The following DSCAM variants were observed in gnomAD, a reference collection of about 807,000 sequenced individuals.
DSCAM encodes the protein DS cell adhesion molecule.
Under a neutral mutation model 217.7 loss-of-function variants are expected in DSCAM, and 47 were observed. That is an observed-to-expected ratio of 0.22 (90% CI 0.17 to 0.28). The LOEUF (loss-of-function observed/expected upper bound fraction) is 0.28, where lower values mean the gene tolerates loss of function less well. Among genes scored for constraint, DSCAM ranks in the 10% least tolerant of loss-of-function variants. The pLI is 1.00. For missense variants in DSCAM, 2,080 were observed against 2,618.3 expected (o/e 0.79, Z 4.49); for synonymous variants, 1,056 against 1,015.3 (o/e 1.04, Z -0.76).
At chr21:40,625,262 C>T (rs1187816389) in intron 3 of DSCAM, among the ~76,000 whole-genome samples, 1 of 151,888 alleles carries the variant, frequency 6.6e-6, no homozygotes, top group African/African-American at 2.4e-5. Flanking sequence ...TAACTGTCCA[C>T]ATTTTCCAAA....
At chr21:40,404,499 G>C (rs997878248) in intron 3 of DSCAM, among the ~76,000 whole-genome samples, 1 of 152,220 alleles carries the variant, frequency 6.6e-6, no homozygotes, top group Non-Finnish European at 1.5e-5. Context: ...TGGAAACCTG[G>C]TGTTTCTTTA....
chr21:40,203,378 C>A (rs2091091203), intron 11 of DSCAM, among the ~76,000 whole-genome samples: 1 of 152,200 alleles, frequency 6.6e-6, no homozygotes, highest in African/African-American at 2.4e-5. Flanking sequence ...TGGGAACATG[C>A]TAGAAATGCA....
At chr21:40,492,855 G>T (rs547681291) in intron 3 of DSCAM, among the ~76,000 whole-genome samples, 5 of 152,048 alleles carry the variant, frequency 3.3e-5, no homozygotes, top group Non-Finnish European at 5.9e-5. Flanking sequence ...TCTAGGGAAA[G>T]GTATAAATAT....
At chr21:40,701,033 T>A (rs1053726257) in intron 2 of DSCAM, among the ~76,000 whole-genome samples, 7 of 152,132 alleles carry the variant, frequency 4.6e-5, no homozygotes, top group Admixed American at 4.6e-4. Context: ...CCACTGTGCC[T>A]GGCCAAAATT....
At chr21:40,093,327 T>A (rs954161042) in intron 21 of DSCAM, among the ~76,000 whole-genome samples, 1 of 152,232 alleles carries the variant, frequency 6.6e-6, no homozygotes, top group African/African-American at 2.4e-5. Flanking sequence ...TTTTCAAATA[T>A]TTTTAAGCTT....
At chr21:40,625,374 G>C (rs1035597852) in intron 3 of DSCAM, among the ~76,000 whole-genome samples, 1 of 151,998 alleles carries the variant, frequency 6.6e-6, no homozygotes, top group African/African-American at 2.4e-5. Flanking sequence ...CCAGCTATCC[G>C]GCACTTTCCT....
At position 40,026,696 on chromosome 21, in the gene DSCAM, C is replaced by T. The variant is rs1174985332; in HGVS notation, c.5687-13310G>A. On this transcript the variant is annotated intron_variant, in intron 32 of 32. Transcript: ENST00000400454. ...TTTATCCGAGACTAGGATTGCAACC[C>T]CTGCCTTTTTTTGTTTTCCATTTGC... Among the ~76,000 whole-genome samples the T allele has an allele frequency of 7.4e-5, 11 of 148,440 alleles. No homozygotes were observed. The South Asian group carries it at 2.3e-3, about 31-fold the overall frequency.
chr21:40,061,569 CA>C lies in DSCAM; in HGVS notation c.4919+1299del, dbSNP rs1223587491. 3.0e-3 allele frequency among the ~76,000 whole-genome samples: 263 copies of C among 86,350 alleles called. 1 individual carries two copies. The highest frequency in any genetic ancestry group is 6.2e-3 in the African/African-American group (149 of 24,044). 56.6% of individuals were successfully genotyped at this position (86,350 alleles called of 152,430 possible). ...GGGCGACAAGAGCAAAACTCTGTCC[CA>C]AAAAAAAAAAAAAAAGAAAAAGGAA... is the stretch of plus-strand genomic sequence containing the variant. On this transcript the variant is annotated intron_variant, in intron 28 of 32. Transcript: ENST00000400454.
At chr21:40,739,259 G>A (rs550628310) in intron 1 of DSCAM, among the ~76,000 whole-genome samples, 1 of 152,254 alleles carries the variant, frequency 6.6e-6, no homozygotes, top group African/African-American at 2.4e-5. Context: ...GGGGGAGGTG[G>A]GGGCCATGCC....
At chr21:40,197,458 T>G (rs1475384773) in intron 11 of DSCAM, among the ~76,000 whole-genome samples, 1 of 152,066 alleles carries the variant, frequency 6.6e-6, no homozygotes. Flanking sequence ...AACTAGGGGG[T>G]TTAAGACTGG....
chr21:40,142,764 C>A, intron 17 of DSCAM, 60 bp from the exon 18 acceptor site: 1 of 1,492,878 alleles, frequency 6.7e-7, no homozygotes, highest in African/African-American at 1.4e-5. Context: ...AAAGCAATAA[C>A]CGAAAAAGCA....
At chr21:40,348,020 T>TA in intron 5 of DSCAM, 75 bp from the exon 6 acceptor site, 1 of 1,484,680 alleles carries the variant, frequency 6.7e-7, no homozygotes, top group Non-Finnish European at 9.0e-7. Flanking sequence ...AGGCTGGACT[T>TA]TCAACAAAGC....
At chr21:40,774,378 G>A (rs1025172366) in intron 1 of DSCAM, among the ~76,000 whole-genome samples, 1 of 152,244 alleles carries the variant, frequency 6.6e-6, no homozygotes, top group African/African-American at 2.4e-5. Context: ...ACATGAAGGA[G>A]CAATGGAACA....
chr21:40,103,273 T>G lies in DSCAM; in HGVS notation c.3697-9399A>C, dbSNP rs766393499. 2.7e-5 allele frequency among the ~76,000 whole-genome samples: 4 copies of G among 148,408 alleles called. No homozygotes were observed. In the Admixed American group the frequency reaches 2.8e-4, roughly 10 times the overall value. On this transcript the variant is annotated intron_variant, in intron 20 of 32. Transcript: ENST00000400454. ...AAGCTCTGATAGCTAATTGTTAACA[T>G]GCAATTAAAAAAACTTGAAGGCTGT...
intron 3 of DSCAM, among the ~76,000 whole-genome samples, chr21:40,477,506 T>A (rs1008093381): frequency 6.6e-6 from 1 of 152,196 alleles, no homozygotes; most frequent in Admixed American, 6.5e-5. Flanking sequence ...CCGTGAGTCA[T>A]CTATAATTAT....
intron 1 of DSCAM, among the ~76,000 whole-genome samples, chr21:40,826,074 T>C (rs1601316952): frequency 6.6e-6 from 1 of 152,236 alleles, no homozygotes. Flanking sequence ...AGACAGATGA[T>C]AAACTTCTAA....
chr21:40,751,663 C>T (rs991269619), intron 1 of DSCAM, among the ~76,000 whole-genome samples: 1 of 152,026 alleles, frequency 6.6e-6, no homozygotes, highest in African/African-American at 2.4e-5. Context: ...GATTAGTTAA[C>T]AAGGAGTTCA....
intron 9 of DSCAM, among the ~76,000 whole-genome samples, chr21:40,304,013 G>A (rs10470095): frequency 0.068 from 10,327 of 152,180 alleles, 482 homozygotes; most frequent in Middle Eastern, 0.12. Flanking sequence ...AGCCTAATGC[G>A]TTATTTCTAA....
chr21:40,745,987 T>C (rs1221363507), intron 1 of DSCAM, among the ~76,000 whole-genome samples: 1 of 152,018 alleles, frequency 6.6e-6, no homozygotes, highest in Non-Finnish European at 1.5e-5. Context: ...CAGTTTAAGA[T>C]AACTTGTTTT....
Sources: allele counts gnomAD v4.1 joint callset (sites outside exome capture counted in the v4.1 genomes callset), GRCh38; gene constraint gnomAD v4.1.1; transcripts MANE v1.5; gene names NCBI Gene and HGNC (gene_info 2026-07-23, HGNC 2026-07-21).